Variants in LUZP2 observed in about 807,000 individuals in gnomAD.
The protein encoded by LUZP2 is leucine zipper protein 2.
Under a neutral mutation model 51.6 loss-of-function variants are expected in LUZP2, and 52 were observed. The ratio of observed to expected loss-of-function variants is 1.01; its 90% CI spans 0.81 to 1.27. LUZP2 has a LOEUF of 1.27. Among genes scored for constraint, LUZP2 ranks in the 50% most tolerant of loss-of-function variants. The pLI is 0.00. For synonymous variants in LUZP2, 154 were observed against 137.3 expected (o/e 1.12, Z -0.85); for missense variants, 436 against 395.4 (o/e 1.10, Z -0.87).
At chr11:24,778,697 A>G (rs1486700) in intron 5 of LUZP2, among the ~76,000 whole-genome samples, 109,862 of 152,026 alleles carry the variant, frequency 0.72, 40,188 homozygotes, top group East Asian at 0.86. Flanking sequence ...AGATGAGAAA[A>G]GAACCTTGAG....
intron 5 of LUZP2, among the ~76,000 whole-genome samples, chr11:24,872,306 T>C (rs1852104322): frequency 6.6e-6 from 1 of 152,162 alleles, no homozygotes. Flanking sequence ...TAATATGCTC[T>C]GCACAATGTT....
At chr11:24,906,375 T>C (rs1853453186) in intron 6 of LUZP2, among the ~76,000 whole-genome samples, 1 of 152,072 alleles carries the variant, frequency 6.6e-6, no homozygotes, top group African/African-American at 2.4e-5. Flanking sequence ...TCCTTTTTTT[T>C]TTCCCCTCTC....
intron 1 of LUZP2, among the ~76,000 whole-genome samples, chr11:24,709,174 A>G (rs1425650931): frequency 2.0e-5 from 3 of 152,206 alleles, no homozygotes; most frequent in African/African-American, 7.2e-5. Context: ...GTCTGGATTT[A>G]TCACAGGACT....
At position 24,616,472 on chromosome 11, in the gene LUZP2, CGCATGT is replaced by C. The variant is rs1212211168; in HGVS notation, c.63-112695_63-112690del. Among the ~76,000 whole-genome samples, 335 of 134,822 alleles carry C rather than the reference CGCATGT, an allele frequency of 2.5e-3. 2 individuals are homozygous for C. Among genetic ancestry groups the C allele is most frequent in the East Asian group, 0.022 (97 of 4,430 alleles). The allele number at this position is 134,822 out of a possible 152,430, so 88.4% of individuals were successfully genotyped here. A position where few individuals can be genotyped will look rare whatever the true frequency, so the allele number is the denominator to read the frequency against. The stretch of plus-strand genomic sequence containing the variant: ...TTGTGTGTGTGTGGTATTTGGCGTG[CGCATGT>C]GTGTGTGTGTGTGTGTGTGTGTGTA... On this transcript the variant is annotated intron_variant, in intron 1 of 11. Transcript: ENST00000336930.
intron 5 of LUZP2, among the ~76,000 whole-genome samples, chr11:24,842,516 CA>C (rs1283720887): frequency 1.3e-5 from 2 of 151,814 alleles, no homozygotes; most frequent in African/African-American, 4.8e-5. Flanking sequence ...ATTCAGCAAG[CA>C]AATGTTGACC....
At chr11:24,743,762 TTG>T (rs1200851004) in intron 4 of LUZP2, among the ~76,000 whole-genome samples, 1 of 152,114 alleles carries the variant, frequency 6.6e-6, no homozygotes, top group Non-Finnish European at 1.5e-5. Flanking sequence ...CATCTTTGTC[TTG>T]TTCCAGTTCT....
chr11:24,882,903 GAGAA>G (rs199816236), intron 5 of LUZP2, among the ~76,000 whole-genome samples: 2,054 of 128,934 alleles, frequency 0.016, 46 homozygotes, highest in African/African-American at 0.067. Flanking sequence ...GAAAAAGAAA[GAGAA>G]AGAAAGAAGA....
At chr11:24,619,747 A>G (rs1209695797) in intron 1 of LUZP2, among the ~76,000 whole-genome samples, 1 of 152,176 alleles carries the variant, frequency 6.6e-6, no homozygotes, top group Non-Finnish European at 1.5e-5. Context: ...TCATCCCTAG[A>G]TTACATAATA....
chr11:24,645,195 T>A (rs1366243435), intron 1 of LUZP2, among the ~76,000 whole-genome samples: 4 of 152,160 alleles, frequency 2.6e-5, no homozygotes, highest in Non-Finnish European at 5.9e-5. Context: ...GGAAATATGT[T>A]TTTAAAGAGA....
chr11:24,747,455 T>G (rs948210393), intron 4 of LUZP2, among the ~76,000 whole-genome samples: 1 of 152,024 alleles, frequency 6.6e-6, no homozygotes, highest in Non-Finnish European at 1.5e-5. Flanking sequence ...AGGTGGCAGT[T>G]GGGGGTGAAT....
intron 10 of LUZP2, among the ~76,000 whole-genome samples, chr11:25,074,050 C>A (rs1001766589): frequency 3.9e-5 from 6 of 152,182 alleles, no homozygotes; most frequent in African/African-American, 9.6e-5. Context: ...CTCCAAAGCA[C>A]TTTTAACCAA....
chr11:25,036,562 A>T (rs1227044196), intron 9 of LUZP2, among the ~76,000 whole-genome samples: 2 of 151,376 alleles, frequency 1.3e-5, no homozygotes, highest in African/African-American at 4.9e-5. Flanking sequence ...GTGCAAAGTT[A>T]GATTGCTAAT....
At chr11:24,513,654 G>A (rs1444234401) in intron 1 of LUZP2, among the ~76,000 whole-genome samples, 4 of 152,124 alleles carry the variant, frequency 2.6e-5, no homozygotes, top group Non-Finnish European at 4.4e-5. Flanking sequence ...TATAGCTACA[G>A]TAAGTTGCAG....
chr11:24,846,160 T>C (rs989819771), intron 5 of LUZP2, among the ~76,000 whole-genome samples: 7 of 151,798 alleles, frequency 4.6e-5, no homozygotes, highest in African/African-American at 1.7e-4. Flanking sequence ...ACACTATAAT[T>C]TTGTTGATCA....
chr11:24,925,987 G>T (rs147588772), intron 7 of LUZP2, among the ~76,000 whole-genome samples: 169 of 151,894 alleles, frequency 1.1e-3, no homozygotes, highest in Non-Finnish European at 1.6e-3. Context: ...GAGAATATAC[G>T]TTGTTTGGTT....
Position 24,976,455 on chromosome 11 carries a change from A to G in LUZP2, c.523-136A>G, listed in dbSNP as rs1031005498. 1.6e-5 allele frequency: 8 copies of G among 498,622 alleles called. No homozygotes were observed. The Middle Eastern group carries it at 1.3e-3, about 80-fold the overall frequency. The allele number at this position is 498,622 out of a possible 1,614,324, so 30.9% of individuals were successfully genotyped here. A position where few individuals can be genotyped will look rare whatever the true frequency, so the allele number is the denominator to read the frequency against. On this transcript the variant is annotated intron_variant, in intron 7 of 11. Transcript: ENST00000336930. ...ATAGTATTTTTAAACTGAATTCTAA[A>G]TGAATCTTACAGGACACTGTTTTTT...
intron 1 of LUZP2, among the ~76,000 whole-genome samples, chr11:24,598,365 T>C (rs1029715582): frequency 6.6e-6 from 1 of 152,076 alleles, no homozygotes; most frequent in African/African-American, 2.4e-5. Flanking sequence ...AGCCTTATTT[T>C]GTCAGAAACT....
chr11:25,069,799 T>A (rs1308377391), intron 10 of LUZP2, among the ~76,000 whole-genome samples: 2 of 151,860 alleles, frequency 1.3e-5, no homozygotes, highest in Admixed American at 1.3e-4. Context: ...ACTATAAATT[T>A]TTTCTTCAAT....
intron 7 of LUZP2, among the ~76,000 whole-genome samples, chr11:24,955,110 C>T (rs1265281742): frequency 5.3e-5 from 8 of 151,900 alleles, no homozygotes; most frequent in African/African-American, 1.7e-4. Context: ...TACTTACACC[C>T]GTAAAGATGG....
Sources: allele counts gnomAD v4.1 joint callset (sites outside exome capture counted in the v4.1 genomes callset), GRCh38; gene constraint gnomAD v4.1.1; transcripts MANE v1.5; gene names NCBI Gene and HGNC (gene_info 2026-07-23, HGNC 2026-07-21).